The following DGKD variants were observed in gnomAD, a reference collection of about 807,000 sequenced individuals.
The protein encoded by DGKD is diacylglycerol kinase delta, also known as DAG kinase delta.
DGKD carries 68 observed loss-of-function variants against 154.4 expected under a neutral mutation model. The ratio of observed to expected loss-of-function variants is 0.44; its 90% CI spans 0.36 to 0.54. The LOEUF (loss-of-function observed/expected upper bound fraction) is 0.54, where lower values mean the gene tolerates loss of function less well. Ranked by LOEUF, DGKD falls within the 20% of genes least tolerant of loss-of-function variation. DGKD has a pLI of 0.00. For missense variants in DGKD, 1,343 were observed against 1,593.6 expected (o/e 0.84, Z 2.68); for synonymous variants, 693 against 638.0 (o/e 1.09, Z -1.30).
chr2:233,375,984 C>A (rs1559481162), intron 1 of DGKD, among the ~76,000 whole-genome samples: 1 of 152,130 alleles, frequency 6.6e-6, no homozygotes, highest in African/African-American at 2.4e-5. Flanking sequence ...CTCAAGTGTT[C>A]AATAAACATT....
At position 233,449,393 on chromosome 2, in the gene DGKD, T is replaced by C; in HGVS notation, c.1888+17T>C. On this transcript the variant is annotated intron_variant, in intron 15 of 29. Coordinates refer to ENST00000264057, the MANE Select transcript of DGKD (RefSeq NM_152879.3). The surrounding 1 kb of genome is among the most constrained non-coding windows in gnomAD (Gnocchi z 5.3). ...CAGAAAAAGGTAACTGGCCTTGTGA[T>C]GAGGAGGGGCTTTCCTCAGGCCAGC... 1 of 1,584,296 alleles carries C rather than the reference T, an allele frequency of 6.3e-7. No homozygotes were observed. Among genetic ancestry groups the C allele is most frequent in the Non-Finnish European group, 8.6e-7 (1 of 1,157,790 alleles).
chr2:233,411,700 T>C (rs995472401), intron 3 of DGKD, among the ~76,000 whole-genome samples: 1 of 152,182 alleles, frequency 6.6e-6, no homozygotes, highest in Non-Finnish European at 1.5e-5. Context: ...GTTTTTTAAA[T>C]GGCTCATTCT....
At chr2:233,370,093 C>A (rs1490972001) in intron 1 of DGKD, among the ~76,000 whole-genome samples, 3 of 152,042 alleles carry the variant, frequency 2.0e-5, no homozygotes. Context: ...ACTTCTGTAT[C>A]CCCTACATGG....
intron 27 of DGKD, among the ~76,000 whole-genome samples, chr2:233,464,798 G>T (rs527412692): frequency 6.6e-6 from 1 of 152,346 alleles, no homozygotes; most frequent in Admixed American, 6.5e-5. Flanking sequence ...TCTGCAGGGA[G>T]TGCTGGCTGA....
chr2:233,408,136 G>A (rs111492151), intron 3 of DGKD, among the ~76,000 whole-genome samples: 14,645 of 148,406 alleles, frequency 0.099, 774 homozygotes, highest in African/African-American at 0.15. Context: ...TCCGCCTCCC[G>A]GGTTCACGCA....
intron 1 of DGKD, among the ~76,000 whole-genome samples, chr2:233,382,698 C>T (rs1042736494): frequency 2.6e-5 from 4 of 152,212 alleles, no homozygotes; most frequent in Non-Finnish European, 5.9e-5. Context: ...ATCCTCACTC[C>T]TTACATGCTC....
chr2:233,447,140 G>T (rs560824463), intron 12 of DGKD, among the ~76,000 whole-genome samples: 2 of 151,370 alleles, frequency 1.3e-5, no homozygotes, highest in East Asian at 3.9e-4. Context: ...CCCCCGCCGC[G>T]GTGCCCACGT....
Position 233,445,620 on chromosome 2 carries a change from T to C in DGKD, c.1195-3T>C. ...CTGCGCATCGTCCCCCATGTTTCCTTAGTGTCAGCTGGGAGTGCTGCCGCT... is the reference window on the plus strand; with the variant it reads ...CTGCGCATCGTCCCCCATGTTTCCTCAGTGTCAGCTGGGAGTGCTGCCGCT... On this transcript the variant is annotated splice_polypyrimidine_tract_variant and splice_region_variant and intron_variant, in intron 10 of 29. Coordinates refer to ENST00000264057, the MANE Select transcript of DGKD (RefSeq NM_152879.3). This position sits in a 1 kb window ranked among gnomAD's most constrained non-coding sequence, Gnocchi z 5.5. 3 of 1,604,750 alleles carry C rather than the reference T, an allele frequency of 1.9e-6. No homozygotes were observed. Among genetic ancestry groups the C allele is most frequent in the Non-Finnish European group, 2.6e-6 (3 of 1,175,504 alleles).
chr2:233,363,953 G>A (rs1042982753), intron 1 of DGKD, among the ~76,000 whole-genome samples: 1 of 152,142 alleles, frequency 6.6e-6, no homozygotes, highest in African/African-American at 2.4e-5. Flanking sequence ...CAGAATATAT[G>A]CTCATTGTTA....
chr2:233,399,444 GC>G (rs1405300772), intron 3 of DGKD, among the ~76,000 whole-genome samples: 26 of 152,226 alleles, frequency 1.7e-4, no homozygotes, highest in African/African-American at 5.8e-4. Context: ...CAGTCCATGT[GC>G]ATCCCAGCAG....
intron 3 of DGKD, among the ~76,000 whole-genome samples, chr2:233,411,060 C>G (rs1264310386): frequency 1.3e-5 from 2 of 151,974 alleles, no homozygotes; most frequent in Non-Finnish European, 2.9e-5. Flanking sequence ...TATCAGTAGT[C>G]CATTGTATGC....
intron 1 of DGKD, among the ~76,000 whole-genome samples, chr2:233,356,820 AT>A (rs1219720287): frequency 0.012 from 1,697 of 145,252 alleles, 27 homozygotes; most frequent in African/African-American, 0.035. Context: ...TAATAGCTCC[AT>A]TTTTTTTTTT....
chr2:233,429,124 G>A (rs1220186663), intron 3 of DGKD: 3 of 985,098 alleles, frequency 3.0e-6, no homozygotes, highest in East Asian at 1.1e-4. Flanking sequence ...TGGGTCAGGT[G>A]GGCCCAAAGA....
chr2:233,360,100 G>C (rs1302616810), intron 1 of DGKD, among the ~76,000 whole-genome samples: 1 of 152,066 alleles, frequency 6.6e-6, no homozygotes, highest in Non-Finnish European at 1.5e-5. Flanking sequence ...CTAGGATCTG[G>C]GGTGGCTGAA....
intron 1 of DGKD, among the ~76,000 whole-genome samples, chr2:233,367,415 G>T (rs775800537): frequency 6.6e-6 from 1 of 151,988 alleles, no homozygotes; most frequent in Non-Finnish European, 1.5e-5. Flanking sequence ...TTTTAGTAGA[G>T]ACGGGGTTTC....
chr2:233,446,605 A>C, intron 11 of DGKD, 107 bp from the exon 12 acceptor site: 1 of 1,157,034 alleles, frequency 8.6e-7, no homozygotes, highest in Non-Finnish European at 1.2e-6. Flanking sequence ...ATGAAGTCAG[A>C]AACGGTGTAA....
chr2:233,396,393 T>G (rs1704027729), intron 3 of DGKD, among the ~76,000 whole-genome samples: 1 of 152,216 alleles, frequency 6.6e-6, no homozygotes, highest in African/African-American at 2.4e-5. Context: ...ATTTAGTCAT[T>G]GTTTTGGCAA....
Position 233,457,206 on chromosome 2 carries a change from G to A in DGKD, c.2473-15G>A. 4 of 1,504,338 alleles carry A rather than the reference G, an allele frequency of 2.7e-6. No individual in the cohort carries two copies. Among genetic ancestry groups the A allele is most frequent in the Non-Finnish European group, 3.6e-6 (4 of 1,120,944 alleles). 93.2% of individuals were successfully genotyped at this position (1,504,338 alleles called of 1,614,324 possible). ...ACCTTTCTCTTTTCTTTTGTTCTGT[G>A]TCTCTGCTGCTCAGTGTGACGGGCG... On this transcript the variant is annotated splice_polypyrimidine_tract_variant and intron_variant, in intron 20 of 29. Transcript: ENST00000264057. The surrounding 1 kb of genome is among the most constrained non-coding windows in gnomAD (Gnocchi z 5.5).
intron 3 of DGKD, among the ~76,000 whole-genome samples, chr2:233,390,765 T>C (rs1340336240): frequency 6.6e-6 from 1 of 152,162 alleles, no homozygotes; most frequent in African/African-American, 2.4e-5. Flanking sequence ...GGAGTTTGGC[T>C]CTTGTTGCCC....
Sources: gnomAD v4.1 joint callset for allele counts (sites outside exome capture counted in the v4.1 genomes callset) on GRCh38, gnomAD v4.1.1 for gene constraint, Gnocchi (gnomAD v3.1) non-coding constraint, MANE v1.5 for transcripts, NCBI Gene and HGNC (gene_info 2026-07-23, HGNC 2026-07-21) for gene names.